LDHA: variants seen among roughly 807,000 people sequenced by gnomAD.
LDHA encodes lactate dehydrogenase A, also known as L-lactate dehydrogenase A chain.
Under a neutral mutation model 36.3 loss-of-function variants are expected in LDHA, and 10 were observed. That is an observed-to-expected ratio of 0.28 (90% CI 0.17 to 0.47). The LOEUF is 0.47. Among genes scored for constraint, LDHA ranks in the 20% least tolerant of loss-of-function variants. The pLI, the probability that LDHA is intolerant of heterozygous loss-of-function variation, is 0.99. For missense variants in LDHA, 267 were observed against 405.8 expected (o/e 0.66, Z 2.94); for synonymous variants, 110 against 136.7 (o/e 0.80, Z 1.36).
intron 4 of LDHA, among the ~76,000 whole-genome samples, chr11:18,401,764 A>G (rs920243968): frequency 6.6e-6 from 1 of 151,716 alleles, no homozygotes; most frequent in Admixed American, 6.6e-5. Context: ...GGCGTGAGCC[A>G]CCGTGCCTGG....
At chr11:18,401,420 C>T (rs1219371495) in intron 4 of LDHA, among the ~76,000 whole-genome samples, 2 of 149,724 alleles carry the variant, frequency 1.3e-5, no homozygotes, top group East Asian at 1.9e-4. Flanking sequence ...GCTAGGATTA[C>T]AGGCGTGAGC....
intron 4 of LDHA, among the ~76,000 whole-genome samples, chr11:18,401,736 C>CA: frequency 6.6e-6 from 1 of 151,578 alleles, no homozygotes; most frequent in Non-Finnish European, 1.5e-5. Context: ...CTTGGCCTCC[C>CA]AAAGTGCTGG....
At chr11:18,396,538 A>G in intron 1 of LDHA, 2 of 1,336,500 alleles carry the variant, frequency 1.5e-6, no homozygotes, top group South Asian at 4.4e-5. Context: ...CTTGGGGTTA[A>G]TAAACCGCGA....
chr11:18,404,756 C>T (rs942788974), intron 6 of LDHA, among the ~76,000 whole-genome samples: 3 of 148,552 alleles, frequency 2.0e-5, no homozygotes, highest in South Asian at 2.1e-4. Flanking sequence ...TGCAGTGAGC[C>T]GAGATCGCGC....
Position 18,408,386 on chromosome 11 carries a change from T to A in LDHA, c.*1105T>A. 2.8e-6 allele frequency: 1 copy of A among 353,864 alleles called. No homozygotes were observed. Among genetic ancestry groups the A allele is most frequent in the South Asian group, 2.2e-5 (1 of 44,924 alleles). 21.9% of individuals were successfully genotyped at this position (353,864 alleles called of 1,614,324 possible). ...TAACCTTGGTGGATGTCTACTCAAG[T>A]TTTCTGCACATTTTTCTGAAAATAC... On this transcript the variant is annotated 3_prime_UTR_variant, in exon 8 of 8. Coordinates refer to ENST00000422447, the MANE Select transcript of LDHA (RefSeq NM_005566.4).
intron 1 of LDHA, chr11:18,396,507 T>C (rs780979986): frequency 7.8e-6 from 9 of 1,159,950 alleles, no homozygotes; most frequent in Non-Finnish European, 7.9e-6. Flanking sequence ...AGTGATCTTG[T>C]CTGAGGAAAG....
At position 18,396,793 on chromosome 11, in the gene LDHA, G is replaced by C. The variant is rs1282217575; in HGVS notation, c.-24-26G>C. 1.9e-6 allele frequency: 3 copies of C among 1,565,342 alleles called. No homozygotes were observed. The Admixed American group carries it at 5.7e-5, about 30-fold the overall frequency. On this transcript the variant is annotated intron_variant, in intron 1 of 7. Coordinates refer to ENST00000422447, the MANE Select transcript of LDHA (RefSeq NM_005566.4). Reference sequence around the variant, plus strand: ...TAATAAACATTAAAGAAGCTGTAGTGACACTAAATGTTTTTCCTCCTATAG... The same window carrying C: ...TAATAAACATTAAAGAAGCTGTAGTCACACTAAATGTTTTTCCTCCTATAG...
intron 7 of LDHA, 128 bp from the exon 8 acceptor site, chr11:18,406,987 CAG>C (rs1231430923): frequency 1.8e-5 from 13 of 704,864 alleles, no homozygotes; most frequent in Middle Eastern, 3.9e-4. Context: ...GCCTGGGCGA[CAG>C]AGCGAGACTC....
In LDHA at chr11:18,405,441, T is replaced by C. The variant is rs200483406; in HGVS notation, c.711-8T>C. 6 of 1,612,782 alleles carry C rather than the reference T, an allele frequency of 3.7e-6. No homozygotes were observed. The highest frequency in any genetic ancestry group is 5.1e-6 in the Non-Finnish European group (6 of 1,179,792). On this transcript the variant is annotated splice_region_variant and splice_polypyrimidine_tract_variant and intron_variant, in intron 6 of 7. Coordinates refer to ENST00000422447, the MANE Select transcript of LDHA (RefSeq NM_005566.4). ...TTCTGCCTTTACCTATGGTTTCCTA[T>C]CATACAGTGCTTATGAGGTGATCAA...
intron 1 of LDHA, chr11:18,395,054 C>G: frequency 5.0e-6 from 1 of 198,060 alleles, no homozygotes; most frequent in South Asian, 7.1e-5. Flanking sequence ...TTGTCCGGGG[C>G]GGGTTCTTGA....
chr11:18,407,525 A>G lies in LDHA; in HGVS notation c.*244A>G. Reference sequence around the variant, plus strand: ...CTGGTTAGTGTGAAATAGTTCTGCCACCTCTGACGCACCACTGCCAATGCT... The same window carrying G: ...CTGGTTAGTGTGAAATAGTTCTGCCGCCTCTGACGCACCACTGCCAATGCT... On this transcript the variant is annotated 3_prime_UTR_variant, in exon 8 of 8. Transcript: ENST00000422447. 1.3e-6 allele frequency: 1 copy of G among 791,822 alleles called. No homozygotes were observed. The highest frequency in any genetic ancestry group is 2.1e-6 in the Non-Finnish European group (1 of 467,270). 49.0% of individuals were successfully genotyped at this position (791,822 alleles called of 1,614,324 possible). A position where few individuals can be genotyped will look rare whatever the true frequency, so the allele number is the denominator to read the frequency against.
intron 2 of LDHA, chr11:18,398,547 G>GGCTGAT (rs1866372621): frequency 6.7e-6 from 1 of 148,408 alleles, no homozygotes; most frequent in Non-Finnish European, 1.5e-5. Context: ...CGCCACGCCT[G>GGCTGAT]GCTGATTTTT....
chr11:18,400,426 CCACCACA>C (rs1866438603), intron 3 of LDHA: 9 of 239,026 alleles, frequency 3.8e-5, no homozygotes, highest in East Asian at 3.2e-4. Context: ...CCTACCACCA[CCACCACA>C]CACACACACA....
chr11:18,407,386 ATT>A lies in LDHA; in HGVS notation c.*108_*109del. Reference sequence around the variant, plus strand: ...TCTGATCTGTGATTAAAGCAGTAATATTTTAAGATGGACTGGGAAAAACATCA... The same window carrying A: ...TCTGATCTGTGATTAAAGCAGTAATATTAAGATGGACTGGGAAAAACATCA... On this transcript the variant is annotated 3_prime_UTR_variant, in exon 8 of 8. Transcript: ENST00000422447. 3 of 1,595,228 alleles carry A rather than the reference ATT, an allele frequency of 1.9e-6. No individual in the cohort carries two copies. Among genetic ancestry groups the A allele is most frequent in the Non-Finnish European group, 8.5e-7 (1 of 1,170,568 alleles).
intron 3 of LDHA, 49 bp downstream of exon 3, chr11:18,399,597 T>C (rs1044517152): frequency 1.5e-6 from 2 of 1,348,918 alleles, no homozygotes; most frequent in African/African-American, 2.9e-5. Flanking sequence ...CTTAAATTCT[T>C]TTTCCAGATG....
In LDHA at chr11:18,396,829, G is replaced by A. The variant is rs201366589; in HGVS notation, c.-14G>A. 7 of 1,607,586 alleles carry A rather than the reference G, an allele frequency of 4.4e-6. No homozygotes were observed. The highest frequency in any genetic ancestry group is 5.9e-6 in the Non-Finnish European group (7 of 1,176,702). On this transcript the variant is annotated 5_prime_UTR_variant, in exon 2 of 8. Transcript: ENST00000422447. ...TTTTTCCTCCTATAGATTCCTTTTG[G>A]TTCCAAGTCCAATATGGCAACTCTA...
rs772791680 is a variant in LDHA at position 18,405,530 on chromosome 11, G to C, written c.792G>C (p.Met264Ile). 1.9e-6 allele frequency: 3 copies of C among 1,613,942 alleles called. No homozygotes were observed. In the African/African-American group the frequency reaches 4.0e-5, roughly 22 times the overall value. ...TAGCAGATTTGGCAGAGAGTATAAT[G>C]AAGAATCTTAGGCGGGTGCACCCAG... is the stretch of plus-strand genomic sequence containing the variant. ...LSVADLAESIMKNLRRVHPVS... is the reference protein window; with the variant it reads ...LSVADLAESIIKNLRRVHPVS... The change falls in exon 7 of 8, where the codon ATG (methionine) becomes ATC (isoleucine). Residue 264 changes from methionine (M) to isoleucine (I), a missense_variant. Coordinates refer to ENST00000422447, the MANE Select transcript of LDHA (RefSeq NM_005566.4).
chr11:18,403,826 A>G lies in LDHA; in HGVS notation c.710+15A>G, dbSNP rs1322478329. On this transcript the variant is annotated intron_variant, in intron 6 of 7. Transcript: ENST00000422447. ...GTGGTTGAGAGGTAATAAATCTTTC[A>G]ATTTGGCAACACAGAATATTAACAT... 2 of 1,344,204 alleles carry G rather than the reference A, an allele frequency of 1.5e-6. No individual in the cohort carries two copies. The highest frequency in any genetic ancestry group is 2.3e-5 in the East Asian group (1 of 43,600). The allele number at this position is 1,344,204 out of a possible 1,614,324, so 83.3% of individuals were successfully genotyped here. A position where few individuals can be genotyped will look rare whatever the true frequency, so the allele number is the denominator to read the frequency against.
At chr11:18,405,367 T>C (rs1590216564) in intron 6 of LDHA, 82 bp from the exon 7 acceptor site, 2 of 1,364,210 alleles carry the variant, frequency 1.5e-6, no homozygotes, top group East Asian at 2.3e-5. Flanking sequence ...TACTGTAAAA[T>C]GTGTATTAAT....
Sources: allele counts gnomAD v4.1 joint callset (sites outside exome capture counted in the v4.1 genomes callset), GRCh38; gene constraint gnomAD v4.1.1; transcripts MANE v1.5; gene names NCBI Gene and HGNC (gene_info 2026-07-23, HGNC 2026-07-21).